The following BPIFA2 variants were observed in gnomAD, a reference collection of about 807,000 sequenced individuals.
The protein encoded by BPIFA2 is BPI fold-containing family A member 2.
A neutral mutation model predicts 25.7 loss-of-function variants in BPIFA2; 20 were observed. The observed-to-expected ratio is 0.78, with a 90% CI of 0.55 to 1.13. The LOEUF (loss-of-function observed/expected upper bound fraction) is 1.13. Among genes scored for constraint, BPIFA2 ranks in the 50% most tolerant of loss-of-function variants. BPIFA2 has a pLI of 0.00. For missense variants in BPIFA2, 300 were observed against 298.1 expected, an observed-to-expected ratio of 1.01 and a Z score of -0.05; for synonymous variants, 126 against 124.3, an observed-to-expected ratio of 1.01 and a Z score of -0.09.
chr20:33,173,607 C>T (rs928438818), intron 3 of BPIFA2, among the ~76,000 whole-genome samples: 19 of 152,270 alleles, frequency 1.2e-4, no homozygotes, highest in Middle Eastern at 3.4e-3. Flanking sequence ...TGGGTTCAAG[C>T]GATTCTCCTG....
chr20:33,178,134 CTG>C lies in BPIFA2; in HGVS notation c.564-9_564-8del, dbSNP rs755360221. The C allele has an allele frequency of 2.5e-6, 4 of 1,585,774 alleles. No homozygotes were observed. In the South Asian group the frequency reaches 4.5e-5, roughly 18 times the overall value. Reference sequence around the variant, plus strand: ...CACTTGACCAGACTTTAATAGTTCCCTGTGTTTTCCAGACACAGCCAAATCAT... The same window carrying C: ...CACTTGACCAGACTTTAATAGTTCCCTGTTTTCCAGACACAGCCAAATCAT... On this transcript the variant is annotated splice_polypyrimidine_tract_variant and intron_variant, in intron 5 of 8. Coordinates refer to ENST00000354932, the MANE Select transcript of BPIFA2 (RefSeq NM_080574.4).
At chr20:33,171,242 T>A (rs1205168946) in intron 2 of BPIFA2, among the ~76,000 whole-genome samples, 1 of 152,094 alleles carries the variant, frequency 6.6e-6, no homozygotes, top group African/African-American at 2.4e-5. Context: ...ATATGAAATT[T>A]AAAGTAGTTT....
At chr20:33,179,130 C>G (rs1984184580) in intron 6 of BPIFA2, among the ~76,000 whole-genome samples, 1 of 152,072 alleles carries the variant, frequency 6.6e-6, no homozygotes, top group Non-Finnish European at 1.5e-5. Context: ...TCCCATTGTT[C>G]TAAAATCCTA....
At chr20:33,179,431 G>GA (rs397973111) in intron 6 of BPIFA2, among the ~76,000 whole-genome samples, 173 bp from the exon 7 acceptor site, 10,576 of 117,722 alleles carry the variant, frequency 0.09, 1,123 homozygotes, top group African/African-American at 0.26. Flanking sequence ...TTCTGTCTCA[G>GA]AAAAAAAAAA....
chr20:33,173,132 T>G (rs1983959079), intron 3 of BPIFA2, 56 bp downstream of exon 3: 2 of 1,567,518 alleles, frequency 1.3e-6, no homozygotes, highest in Non-Finnish European at 1.7e-6. Flanking sequence ...AAAACATATC[T>G]TTGAGGAGGT....
chr20:33,178,074 C>A, intron 5 of BPIFA2, 73 bp from the exon 6 acceptor site: 1 of 1,152,908 alleles, frequency 8.7e-7, no homozygotes, highest in Non-Finnish European at 1.3e-6. Context: ...TCCCGCACCG[C>A]CCCCAACTTT....
upstream of BPIFA2, among the ~76,000 whole-genome samples, chr20:33,167,440 TTCCCTGG>T (rs1342221424): frequency 6.6e-6 from 1 of 152,302 alleles, no homozygotes; most frequent in East Asian, 1.9e-4. Flanking sequence ...TGGAAGGGTC[TTCCCTGG>T]TGGCCCAAAT....
chr20:33,175,054 C>T (rs1984027032), intron 4 of BPIFA2, among the ~76,000 whole-genome samples: 1 of 152,166 alleles, frequency 6.6e-6, no homozygotes, highest in African/African-American at 2.4e-5. Context: ...CTCTCTGTAC[C>T]AAGGTTTCCT....
intron 4 of BPIFA2, among the ~76,000 whole-genome samples, chr20:33,174,957 A>G (rs1600601065): frequency 6.6e-6 from 1 of 152,310 alleles, no homozygotes; most frequent in Non-Finnish European, 1.5e-5. Context: ...ACAAGAAATG[A>G]GCATGTGTGA....
At chr20:33,177,107 CACTTTGGG>C (rs1246641131) in intron 5 of BPIFA2, among the ~76,000 whole-genome samples, 2 of 152,194 alleles carry the variant, frequency 1.3e-5, no homozygotes, top group African/African-American at 4.8e-5. Context: ...GTAATCCCAG[CACTTTGGG>C]AGGCTGAGGT....
rs761275924 is a variant in BPIFA2 at position 33,175,561 on chromosome 20, T to A, written c.563+2T>A. 3 of 1,613,850 alleles carry A rather than the reference T, an allele frequency of 1.9e-6. No individual in the cohort carries two copies. In the East Asian group the frequency reaches 6.7e-5, roughly 36 times the overall value. ...CATCTCACTTTCCTTGCTGGACAAG[T>A]AAGTCCCATTCATCTTAGTAGAGCT... is the stretch of plus-strand genomic sequence containing the variant. On this transcript the variant is annotated splice_donor_variant, in intron 5 of 8. Coordinates refer to ENST00000354932, the MANE Select transcript of BPIFA2 (RefSeq NM_080574.4). LOFTEE classifies it high-confidence loss of function.
chr20:33,173,007 C>T lies in BPIFA2; in HGVS notation c.233C>T (p.Ala78Val), dbSNP rs1278380894. 6.2e-7 allele frequency: 1 copy of T among 1,613,946 alleles called. No individual in the cohort carries two copies. The highest frequency in any genetic ancestry group is 1.7e-5 in the Admixed American group (1 of 59,998). ...GCTTGGCAACTGGCCAAGCAGAAGG[C>T]CCAGGAAGCTGAGAAATTGCTGAAC... ...SSAWQLAKQKAQEAEKLLNNV... is the reference protein window; with the variant it reads ...SSAWQLAKQKVQEAEKLLNNV... The change falls in exon 3 of 9, where the codon GCC becomes GTC. Residue 78 changes from alanine (A) to valine (V), a missense_variant. Transcript: ENST00000354932.
chr20:33,165,324 G>A (rs925983895), upstream of BPIFA2, among the ~76,000 whole-genome samples: 1 of 152,220 alleles, frequency 6.6e-6, no homozygotes, highest in Non-Finnish European at 1.5e-5. Flanking sequence ...GCAAAATGGT[G>A]ACAAGCCTTT....
At chr20:33,179,548 T>G in intron 6 of BPIFA2, 56 bp from the exon 7 acceptor site, 3 of 1,432,866 alleles carry the variant, frequency 2.1e-6, no homozygotes, top group Non-Finnish European at 2.0e-6. Flanking sequence ...CTGAGAAGAA[T>G]GATCTGTTCT....
chr20:33,164,366 C>T (rs1482493573), upstream of BPIFA2, among the ~76,000 whole-genome samples: 2 of 152,176 alleles, frequency 1.3e-5, no homozygotes, highest in East Asian at 3.9e-4. Flanking sequence ...GTCAAGAGGC[C>T]CACCCACCTG....
rs1298694043 is a variant in BPIFA2 at position 33,179,718 on chromosome 20, G to GCCCA, written c.709+55_709+58dup. On this transcript the variant is annotated intron_variant, in intron 7 of 8. Transcript: ENST00000354932. ...TTCTGAGGCAGGCATGGAGCTCTGT[G>GCCCA]CCCACCCCATAAGCAGTTCTGGTCA... 2.6e-6 allele frequency: 4 copies of GCCCA among 1,516,962 alleles called. No homozygotes were observed. The African/African-American group carries it at 5.5e-5, about 21-fold the overall frequency. 94.0% of individuals were successfully genotyped at this position (1,516,962 alleles called of 1,614,324 possible).
chr20:33,168,997 C>T (rs1009265145), intron 1 of BPIFA2, 134 bp from the exon 2 acceptor site: 2 of 817,664 alleles, frequency 2.4e-6, no homozygotes, highest in Non-Finnish European at 1.9e-6. Context: ...CTGACCTTGG[C>T]TGCCCATTTG....
chr20:33,176,402 A>G (rs1338110468), intron 5 of BPIFA2, among the ~76,000 whole-genome samples: 1 of 152,236 alleles, frequency 6.6e-6, no homozygotes, highest in Non-Finnish European at 1.5e-5. Flanking sequence ...CTTGGCCAGG[A>G]GCAAGGCTGG....
intron 5 of BPIFA2, among the ~76,000 whole-genome samples, chr20:33,176,468 A>C (rs1984080675): frequency 6.6e-6 from 1 of 152,218 alleles, no homozygotes; most frequent in South Asian, 2.1e-4. Flanking sequence ...CTCGCCCTGC[A>C]CTGAGGGATC....
Sources: gnomAD v4.1 joint callset for allele counts (sites outside exome capture counted in the v4.1 genomes callset) on GRCh38, gnomAD v4.1.1 for gene constraint, MANE v1.5 for transcripts, NCBI Gene and HGNC (gene_info 2026-07-23, HGNC 2026-07-21) for gene names.